Variants in DNAJC1 observed in about 807,000 individuals in gnomAD.
The protein encoded by DNAJC1 is DnaJ heat shock protein family (Hsp40) member C1.
DNAJC1 carries 58 observed loss-of-function variants against 76.6 expected under a neutral mutation model. The observed-to-expected ratio is 0.76, with a 90% CI of 0.61 to 0.94. DNAJC1 has a LOEUF of 0.94. Among genes scored for constraint, DNAJC1 ranks in the 40% least tolerant of loss-of-function variants. The pLI, the probability that DNAJC1 is intolerant of heterozygous loss-of-function variation, is 0.00. For missense variants in DNAJC1, 689 were observed against 677.3 expected, an observed-to-expected ratio of 1.02 and a Z score of -0.19; for synonymous variants, 258 against 267.9, an observed-to-expected ratio of 0.96 and a Z score of 0.36.
chr10:21,915,666 G>T (rs1836940532), intron 6 of DNAJC1, among the ~76,000 whole-genome samples: 1 of 152,084 alleles, frequency 6.6e-6, no homozygotes, highest in Non-Finnish European at 1.5e-5. Context: ...CCTCCTAGTG[G>T]TAGTTATACT....
chr10:21,865,633 C>A (rs978559917), intron 8 of DNAJC1: 1 of 151,996 alleles, frequency 6.6e-6, no homozygotes, highest in South Asian at 2.1e-4. Context: ...TGTTCAATAT[C>A]TTGATTCTGA....
At chr10:21,872,188 C>A (rs1836115873) in intron 8 of DNAJC1, among the ~76,000 whole-genome samples, 1 of 151,398 alleles carries the variant, frequency 6.6e-6, no homozygotes, top group Admixed American at 6.6e-5. Context: ...ATTCTCCTGC[C>A]TCAAGCTCTC....
intron 8 of DNAJC1, among the ~76,000 whole-genome samples, chr10:21,876,869 T>C (rs1257921599): frequency 6.6e-6 from 1 of 152,224 alleles, no homozygotes; most frequent in East Asian, 1.9e-4. Context: ...TCTTGATCAC[T>C]ACTTAATGCC....
chr10:21,786,063 C>T (rs983681198), intron 9 of DNAJC1, among the ~76,000 whole-genome samples: 7 of 151,950 alleles, frequency 4.6e-5, no homozygotes, highest in Admixed American at 6.6e-5. Flanking sequence ...AATTCACTGT[C>T]GTATAGTACA....
intron 9 of DNAJC1, among the ~76,000 whole-genome samples, chr10:21,766,576 G>A (rs186498458): frequency 6.6e-6 from 1 of 152,204 alleles, no homozygotes; most frequent in African/African-American, 2.4e-5. Flanking sequence ...CTAGTTCAAT[G>A]ACAGTTCCGT....
chr10:21,918,328 G>T (rs773077299), intron 6 of DNAJC1, among the ~76,000 whole-genome samples: 1 of 149,390 alleles, frequency 6.7e-6, no homozygotes, highest in Non-Finnish European at 1.5e-5. Flanking sequence ...CAAATAAAAT[G>T]GAAAGCAATA....
rs542182948 is a variant in DNAJC1, at chr10:21,794,266, C to CAAA, written c.1098+11711_1098+11713dup. On this transcript the variant is annotated intron_variant, in intron 9 of 11. Transcript: ENST00000376980. Reference sequence around the variant, plus strand: ...GGGCAACAGAGTAAGTTCCTATCTTCAAAAAAAAAAAAAAAAAAAGAGAGA... The same window carrying CAAA: ...GGGCAACAGAGTAAGTTCCTATCTTCAAAAAAAAAAAAAAAAAAAAAAGAGAGA... Among the ~76,000 whole-genome samples, 339 of 53,454 alleles carry CAAA rather than the reference C, an allele frequency of 6.3e-3. 3 individuals carry two copies. Among genetic ancestry groups the CAAA allele is most frequent in the African/African-American group, 0.022 (326 of 14,998 alleles). The allele number at this position is 53,454 out of a possible 152,430, so 35.1% of individuals were successfully genotyped here. A position where few individuals can be genotyped will look rare whatever the true frequency, so the allele number is the denominator to read the frequency against.
At chr10:21,976,276 A>G (rs979861851) in intron 1 of DNAJC1, among the ~76,000 whole-genome samples, 1 of 152,200 alleles carries the variant, frequency 6.6e-6, no homozygotes, top group African/African-American at 2.4e-5. Context: ...AGTATATACC[A>G]ACCAGGCATG....
At chr10:21,873,140 G>A (rs977149963) in intron 8 of DNAJC1, among the ~76,000 whole-genome samples, 4 of 151,936 alleles carry the variant, frequency 2.6e-5, no homozygotes, top group Non-Finnish European at 2.9e-5. Context: ...ACCCTCTCAC[G>A]TGGACCCCCT....
At position 21,773,589 on chromosome 10, in the gene DNAJC1, G is replaced by A. The variant is rs546730015; in HGVS notation, c.1099-7280C>T. On this transcript the variant is annotated intron_variant, in intron 9 of 11. Transcript: ENST00000376980. ...CAATGTTCCATGTGTAAAGAAAAAC[G>A]TATATTCTATTGTTAGATGGCGTGT... Among the ~76,000 whole-genome samples the A allele has an allele frequency of 2.4e-4, 36 of 152,254 alleles. No individual in the cohort carries two copies. In the South Asian group the frequency reaches 7.1e-3, roughly 30 times the overall value.
chr10:21,801,135 T>G (rs910750718), intron 9 of DNAJC1, among the ~76,000 whole-genome samples: 2 of 152,150 alleles, frequency 1.3e-5, no homozygotes, highest in Admixed American at 6.6e-5. Flanking sequence ...AATAAAAGTA[T>G]ATTTAAATGT....
chr10:21,803,686 G>A lies in DNAJC1; in HGVS notation c.1098+2294C>T, dbSNP rs552550228. On this transcript the variant is annotated intron_variant, in intron 9 of 11. Transcript: ENST00000376980. ...TGGGGGACAGGAGAGTTATTGAAAT[G>A]AATAGTCCAGCCATGGAGATGATGC... The A allele has an allele frequency of 8.5e-5, 27 of 316,098 alleles. No individual in the cohort carries two copies. The East Asian group carries it at 4.6e-3, about 54-fold the overall frequency. The allele number at this position is 316,098 out of a possible 1,614,324, so 19.6% of individuals were successfully genotyped here. A position where few individuals can be genotyped will look rare whatever the true frequency, so the allele number is the denominator to read the frequency against.
intron 1 of DNAJC1, among the ~76,000 whole-genome samples, chr10:21,947,607 T>C (rs1837526158): frequency 6.6e-6 from 1 of 152,208 alleles, no homozygotes; most frequent in Admixed American, 6.5e-5. Context: ...AGGCTACTAG[T>C]AGTTACGTTT....
chr10:21,833,404 G>C (rs1249002580), intron 8 of DNAJC1, among the ~76,000 whole-genome samples: 1 of 152,202 alleles, frequency 6.6e-6, no homozygotes, highest in Non-Finnish European at 1.5e-5. Context: ...CTAGGAGGCG[G>C]AGGTTGCAGT....
chr10:21,834,682 C>A (rs58341039), intron 8 of DNAJC1, among the ~76,000 whole-genome samples: 5,557 of 152,318 alleles, frequency 0.036, 162 homozygotes, highest in African/African-American at 0.073. Flanking sequence ...TATCCCGCAC[C>A]TGGTTCAGAG....
chr10:21,890,988 C>T (rs943901346), intron 7 of DNAJC1, among the ~76,000 whole-genome samples: 4 of 152,066 alleles, frequency 2.6e-5, no homozygotes, highest in Admixed American at 2.0e-4. Flanking sequence ...GTCAGGAGTT[C>T]GAGTCCAGCC....
At chr10:21,954,204 T>C (rs1369239875) in intron 1 of DNAJC1, among the ~76,000 whole-genome samples, 1 of 152,196 alleles carries the variant, frequency 6.6e-6, no homozygotes, top group Non-Finnish European at 1.5e-5. Flanking sequence ...TAATACTTTA[T>C]AAAAAGAGGA....
intron 8 of DNAJC1, 148 bp from the exon 9 acceptor site, chr10:21,806,247 C>CT: frequency 1.1e-6 from 1 of 878,122 alleles, no homozygotes. Flanking sequence ...TAAATTGTAT[C>CT]TAATAGTTTC....
intron 9 of DNAJC1, among the ~76,000 whole-genome samples, chr10:21,784,756 T>C (rs1363939374): frequency 6.6e-6 from 1 of 152,180 alleles, no homozygotes; most frequent in Non-Finnish European, 1.5e-5. Flanking sequence ...TGTAGGGACA[T>C]GGATAAAGCT....
Sources: gnomAD v4.1 joint callset for allele counts (sites outside exome capture counted in the v4.1 genomes callset) on GRCh38, gnomAD v4.1.1 for gene constraint, MANE v1.5 for transcripts, NCBI Gene and HGNC (gene_info 2026-07-23, HGNC 2026-07-21) for gene names.